Variants in IGSF21 observed in about 807,000 individuals in gnomAD.
IGSF21 encodes the protein immunoglobulin superfamily member 21.
A neutral mutation model predicts 46.8 loss-of-function variants in IGSF21; 28 were observed. The observed-to-expected ratio is 0.60, with a 90% confidence interval of 0.44 to 0.82. The LOEUF (loss-of-function observed/expected upper bound fraction) is 0.82, where lower values mean the gene tolerates loss of function less well. IGSF21 is among the 40% of genes least tolerant of loss of function. IGSF21 has a pLI of 0.00. For missense variants in IGSF21, 624 were observed against 665.5 expected (o/e 0.94, Z 0.69); for synonymous variants, 284 against 273.6 (o/e 1.04, Z -0.38).
At chr1:18,363,876 C>A (rs2086130803) in intron 5 of IGSF21, among the ~76,000 whole-genome samples, 1 of 152,208 alleles carries the variant, frequency 6.6e-6, no homozygotes, top group Admixed American at 6.5e-5. Context: ...CAGAGACAAG[C>A]CTCAGTCCCT....
chr1:18,273,117 C>A (rs967256199), intron 2 of IGSF21, among the ~76,000 whole-genome samples: 8 of 148,140 alleles, frequency 5.4e-5, no homozygotes, highest in African/African-American at 2.0e-4. Context: ...ATGCTCTCAC[C>A]TCACTGAAAC....
intron 1 of IGSF21, among the ~76,000 whole-genome samples, chr1:18,202,286 C>G (rs2087083156): frequency 1.3e-5 from 2 of 152,182 alleles, no homozygotes; most frequent in Admixed American, 1.3e-4. Flanking sequence ...CTGGGACTGG[C>G]ACAGGAGGAC....
chr1:18,311,480 C>T (rs537107842), intron 3 of IGSF21, among the ~76,000 whole-genome samples: 6 of 152,292 alleles, frequency 3.9e-5, no homozygotes, highest in East Asian at 1.9e-4. Context: ...TCTGGAGCGG[C>T]GGAGCTGGTC....
At chr1:18,214,759 G>C (rs774922756) in intron 1 of IGSF21, among the ~76,000 whole-genome samples, 1 of 151,970 alleles carries the variant, frequency 6.6e-6, no homozygotes, top group Admixed American at 6.6e-5. Context: ...TTTTTGAGAC[G>C]GAGTCTTGCT....
Position 18,353,145 on chromosome 1 carries a change from C to CT in IGSF21, c.425-8960dup, listed in dbSNP as rs1230045145. 1.4e-3 allele frequency among the ~76,000 whole-genome samples: 203 copies of CT among 148,366 alleles called. 2 individuals are homozygous for CT. Among genetic ancestry groups the CT allele is most frequent in the East Asian group, 5.1e-3 (26 of 5,070 alleles). On this transcript the variant is annotated intron_variant, in intron 4 of 9. Coordinates refer to ENST00000251296, the MANE Select transcript of IGSF21 (RefSeq NM_032880.5). ...TCCATTTGGGGGCTTTTTGTTGTTGCTTTTTTTTTTCCCTTGGCTGCTGTT... is the reference window on the plus strand; with the variant it reads ...TCCATTTGGGGGCTTTTTGTTGTTGCTTTTTTTTTTTCCCTTGGCTGCTGTT...
At chr1:18,264,868 A>G (rs2084976323) in intron 2 of IGSF21, among the ~76,000 whole-genome samples, 1 of 152,086 alleles carries the variant, frequency 6.6e-6, no homozygotes, top group Admixed American at 6.5e-5. Context: ...CTACCAAATG[A>G]AGAAGACAGG....
intron 4 of IGSF21, among the ~76,000 whole-genome samples, chr1:18,359,336 GAA>G (rs1162951748): frequency 4.4e-5 from 2 of 44,948 alleles, no homozygotes; most frequent in African/African-American, 8.4e-5. Flanking sequence ...GAAAGAGAAA[GAA>G]AAAGAAAGAA....
At position 18,359,343 on chromosome 1, in the gene IGSF21, AAAGAAAG is replaced by A. The variant is rs1557659461; in HGVS notation, c.425-2769_425-2763del. Among the ~76,000 whole-genome samples, 425 of 50,444 alleles carry A rather than the reference AAAGAAAG, an allele frequency of 8.4e-3. 7 individuals are homozygous for A. The highest frequency in any genetic ancestry group is 0.02 in the Middle Eastern group (2 of 100). The allele number at this position is 50,444 out of a possible 152,430, so 33.1% of individuals were successfully genotyped here. A position where few individuals can be genotyped will look rare whatever the true frequency, so the allele number is the denominator to read the frequency against. Reference sequence around the variant, plus strand: ...GAGAGAGAGAAAGAGAAAGAAAAAGAAAGAAAGAAAGAAAGAAAGAAAGAAAGAAAGA... The same window carrying A: ...GAGAGAGAGAAAGAGAAAGAAAAAGAAAAGAAAGAAAGAAAGAAAGAAAGA... On this transcript the variant is annotated intron_variant, in intron 4 of 9. Coordinates refer to ENST00000251296, the MANE Select transcript of IGSF21 (RefSeq NM_032880.5).
At chr1:18,147,982 A>G (rs1006957742) in intron 1 of IGSF21, among the ~76,000 whole-genome samples, 1 of 152,094 alleles carries the variant, frequency 6.6e-6, no homozygotes, top group African/African-American at 2.4e-5. Flanking sequence ...GTTTTCCTGC[A>G]GAAGTTTTCT....
At chr1:18,377,802 C>T (rs1212676229) in intron 9 of IGSF21, among the ~76,000 whole-genome samples, 4 of 152,152 alleles carry the variant, frequency 2.6e-5, no homozygotes, top group African/African-American at 7.2e-5. Context: ...CAGCCTCGAC[C>T]GTGGGGCTGC....
At chr1:18,123,624 G>T (rs953530729) in intron 1 of IGSF21, among the ~76,000 whole-genome samples, 1 of 152,174 alleles carries the variant, frequency 6.6e-6, no homozygotes, top group Non-Finnish European at 1.5e-5. Context: ...GAGAGTCACA[G>T]ATCACTAGAA....
In IGSF21 at chr1:18,227,895, T is replaced by C; in HGVS notation, c.71-3T>C. 1.9e-6 allele frequency: 3 copies of C among 1,612,662 alleles called. No individual in the cohort carries two copies. The highest frequency in any genetic ancestry group is 2.5e-6 in the Non-Finnish European group (3 of 1,178,752). On this transcript the variant is annotated splice_polypyrimidine_tract_variant and splice_region_variant and intron_variant, in intron 1 of 9. Transcript: ENST00000251296. ...TACCACCCCTTTCTCCTCTCTTCTGTAGGCTACCTGACAGTCAACATTGAG... is the reference window on the plus strand; with the variant it reads ...TACCACCCCTTTCTCCTCTCTTCTGCAGGCTACCTGACAGTCAACATTGAG...
intron 1 of IGSF21, among the ~76,000 whole-genome samples, chr1:18,208,548 ATTTTTT>A (rs10601446): frequency 1.2e-5 from 1 of 85,852 alleles, no homozygotes; most frequent in Non-Finnish European, 2.2e-5. Flanking sequence ...AGCCCAGCTA[ATTTTTT>A]TTTTTTTTTT....
chr1:18,228,046 C>A, intron 2 of IGSF21, 36 bp downstream of exon 2: 2 of 1,515,376 alleles, frequency 1.3e-6, no homozygotes, highest in Non-Finnish European at 1.8e-6. Flanking sequence ...ATGCCCATGG[C>A]CAGGACTGGT....
intron 1 of IGSF21, among the ~76,000 whole-genome samples, chr1:18,157,727 T>G (rs1365845883): frequency 1.3e-5 from 2 of 152,178 alleles, no homozygotes; most frequent in Non-Finnish European, 2.9e-5. Context: ...TAAGAGAGGT[T>G]AAATAACTTT....
At chr1:18,174,277 T>C (rs1352241620) in intron 1 of IGSF21, among the ~76,000 whole-genome samples, 2 of 152,180 alleles carry the variant, frequency 1.3e-5, no homozygotes, top group African/African-American at 4.8e-5. Context: ...CCCGAGGCGT[T>C]GCAGGAAGGA....
intron 2 of IGSF21, among the ~76,000 whole-genome samples, chr1:18,289,220 T>A (rs1451272481): frequency 6.6e-6 from 1 of 152,072 alleles, no homozygotes; most frequent in African/African-American, 2.4e-5. Context: ...TAGGAGGAGA[T>A]AAAAAAGCAG....
chr1:18,156,635 T>C (rs16861648), intron 1 of IGSF21, among the ~76,000 whole-genome samples: 31,435 of 152,158 alleles, frequency 0.21, 3,837 homozygotes, highest in East Asian at 0.47. Context: ...GGGTCTCTCC[T>C]CTTAATTTAG....
At chr1:18,358,940 A>G (rs525448) in intron 4 of IGSF21, among the ~76,000 whole-genome samples, 49,015 of 151,996 alleles carry the variant, frequency 0.32, 8,305 homozygotes, top group African/African-American at 0.43. Flanking sequence ...CAGGTAACTT[A>G]CATGTGCCAT....
Sources: gnomAD v4.1 joint callset for allele counts (sites outside exome capture counted in the v4.1 genomes callset) on GRCh38, gnomAD v4.1.1 for gene constraint, MANE v1.5 for transcripts, NCBI Gene and HGNC (gene_info 2026-07-23, HGNC 2026-07-21) for gene names.